The following DYRK2 variants were observed in gnomAD, a reference collection of about 807,000 sequenced individuals.
DYRK2 encodes the protein dual specificity tyrosine-phosphorylation-regulated kinase 2.
Under a neutral mutation model 41.6 loss-of-function variants are expected in DYRK2, and 12 were observed. The observed-to-expected ratio is 0.29, with a 90% CI of 0.18 to 0.47. The LOEUF (loss-of-function observed/expected upper bound fraction) is 0.47. DYRK2 is among the 20% of genes least tolerant of loss of function. The pLI, the probability that DYRK2 is intolerant of heterozygous loss-of-function variation, is 1.00. For synonymous variants in DYRK2, 322 were observed against 315.7 expected, an observed-to-expected ratio of 1.02 and a Z score of -0.21; for missense variants, 678 against 798.4, an observed-to-expected ratio of 0.85 and a Z score of 1.82.
chr12:67,658,596 A>G lies in DYRK2; in HGVS notation c.1689A>G (p.Ile563Met), dbSNP rs771451192. ...ITESTGAITS[I>M]SKLPPPSSSA... ...AGAGCACCGGTGCTATCACATCTAT[A>G]TCCAAGTTACCTCCACCTTCTAGCT... is the stretch of plus-strand genomic sequence containing the variant. The change falls in exon 3 of 3, where the codon ATA (isoleucine) becomes ATG (methionine). Residue 563 changes from isoleucine (I) to methionine (M), a missense_variant. This residue lies in a region of DYRK2 where 393 missense variants were observed against 519.1 expected (regional missense o/e 0.76). Coordinates refer to ENST00000344096, the MANE Select transcript of DYRK2 (RefSeq NM_006482.3). The surrounding 1 kb of genome is among the most constrained non-coding windows in gnomAD (Gnocchi z 4.3). The G allele has an allele frequency of 6.2e-7, 1 of 1,614,172 alleles. No individual in the cohort carries two copies. Among genetic ancestry groups the G allele is most frequent in the Admixed American group, 1.7e-5 (1 of 60,026 alleles).
In DYRK2 at chr12:67,665,072, T is replaced by A. The variant is rs867783806; in HGVS notation, c.*6359T>A. 1 of 152,142 alleles carries A rather than the reference T, an allele frequency of 6.6e-6. No individual in the cohort carries two copies. Among genetic ancestry groups the A allele is most frequent in the Non-Finnish European group, 1.5e-5 (1 of 67,990 alleles). The allele number at this position is 152,142 out of a possible 1,614,324, so 9.4% of individuals were successfully genotyped here. The stretch of plus-strand genomic sequence containing the variant: ...CTTTGCCTCCATATTTAAGAAAATA[T>A]AGAATGCCTGCCAGGGAAATATATA... On this transcript the variant is annotated 3_prime_UTR_variant, in exon 3 of 3. Coordinates refer to ENST00000344096, the MANE Select transcript of DYRK2 (RefSeq NM_006482.3).
At chr12:67,653,030 A>G (rs866001000) in intron 2 of DYRK2, among the ~76,000 whole-genome samples, 42 of 151,390 alleles carry the variant, frequency 2.8e-4, no homozygotes, top group Non-Finnish European at 2.9e-4. Context: ...GGGTTTCACC[A>G]TGTTGGCCAG....
In DYRK2 at chr12:67,654,833, A is replaced by G. The variant is rs548014260; in HGVS notation, c.199-2273A>G. Among the ~76,000 whole-genome samples the G allele has an allele frequency of 9.8e-5, 15 of 152,324 alleles. 1 individual carries two copies. The highest frequency in any genetic ancestry group is 3.4e-3 in the Middle Eastern group (1 of 294). The stretch of plus-strand genomic sequence containing the variant: ...GTGTGTCTTCCACTCAGGAGATAGC[A>G]CCTTGGAAGGTCTGAGCTCAGGGAA... On this transcript the variant is annotated intron_variant, in intron 2 of 2. Coordinates refer to ENST00000344096, the MANE Select transcript of DYRK2 (RefSeq NM_006482.3).
intron 2 of DYRK2, 105 bp downstream of exon 2, chr12:67,650,050 A>G: frequency 8.6e-7 from 1 of 1,169,086 alleles, no homozygotes; most frequent in Non-Finnish European, 1.1e-6. Context: ...AGGGGTCGAG[A>G]TACAAGCAGC....
chr12:67,658,598 C>G lies in DYRK2; in HGVS notation c.1691C>G (p.Ser564Cys). 2 of 1,614,158 alleles carry G rather than the reference C, an allele frequency of 1.2e-6. No individual in the cohort carries two copies. The highest frequency in any genetic ancestry group is 1.7e-6 in the Non-Finnish European group (2 of 1,180,028). Residue 564 changes from serine (S) to cysteine (C), a missense_variant, in exon 3 of 3, where the codon TCC becomes TGC. Ser to Cys is a moderately radical substitution (Grantham distance 112). This residue lies in a region of DYRK2 where 393 missense variants were observed against 519.1 expected (regional missense o/e 0.76). Transcript: ENST00000344096. The surrounding 1 kb of genome is among the most constrained non-coding windows in gnomAD (Gnocchi z 4.3). Reference protein sequence around the residue: ...TESTGAITSISKLPPPSSSAS... With the variant: ...TESTGAITSICKLPPPSSSAS... ...AGCACCGGTGCTATCACATCTATAT[C>G]CAAGTTACCTCCACCTTCTAGCTCA...
rs930257586 is a variant in DYRK2 at position 67,664,159 on chromosome 12, C to T, written c.*5446C>T. The T allele has an allele frequency of 2.6e-5, 4 of 152,094 alleles. No homozygotes were observed. Among genetic ancestry groups the T allele is most frequent in the African/African-American group, 9.7e-5 (4 of 41,432 alleles). 9.4% of individuals were successfully genotyped at this position (152,094 alleles called of 1,614,324 possible). On this transcript the variant is annotated 3_prime_UTR_variant, in exon 3 of 3. Coordinates refer to ENST00000344096, the MANE Select transcript of DYRK2 (RefSeq NM_006482.3). ...TTGCACATACATAAGAAAATTACAT[C>T]TTACTGCGAAGTCTTTGGTTTGTTT...
In DYRK2 at chr12:67,657,372, A is replaced by C; in HGVS notation, c.465A>C (p.Thr155=). The change falls in exon 3 of 3, where the codon ACA becomes ACC. Residue 155 remains threonine, a synonymous_variant. Transcript: ENST00000344096. This position sits in a 1 kb window ranked among gnomAD's most constrained non-coding sequence, Gnocchi z 4.8. ...GMGKVKATPM[T]PEQAMKQYMQ... ...GGAAGGTGAAAGCCACCCCCATGACACCTGAACAAGCAATGAAGCAATACA... is the reference window on the plus strand; with the variant it reads ...GGAAGGTGAAAGCCACCCCCATGACCCCTGAACAAGCAATGAAGCAATACA... 6.2e-7 allele frequency: 1 copy of C among 1,614,180 alleles called. No individual in the cohort carries two copies. The highest frequency in any genetic ancestry group is 8.5e-7 in the Non-Finnish European group (1 of 1,180,040).
chr12:67,658,326 C>T lies in DYRK2; in HGVS notation c.1419C>T (p.Gly473=). The stretch of plus-strand genomic sequence containing the variant: ...GCACTGTCACGACTCTCTCAGATGG[C>T]TCTGTGGTCCTAAACGGAGGCCGTT... ...RYCTVTTLSD[G]SVVLNGGRSR... Residue 473 remains glycine, a synonymous_variant, in exon 3 of 3, where the codon GGC becomes GGT. Coordinates refer to ENST00000344096, the MANE Select transcript of DYRK2 (RefSeq NM_006482.3). This position sits in a 1 kb window ranked among gnomAD's most constrained non-coding sequence, Gnocchi z 4.3. 2 of 1,614,128 alleles carry T rather than the reference C, an allele frequency of 1.2e-6. No individual in the cohort carries two copies. Among genetic ancestry groups the T allele is most frequent in the Non-Finnish European group, 8.5e-7 (1 of 1,179,998 alleles).
intron 2 of DYRK2, 142 bp downstream of exon 2, chr12:67,650,087 G>T: frequency 1.1e-6 from 1 of 937,034 alleles, no homozygotes; most frequent in Non-Finnish European, 1.4e-6. Context: ...ATGGTCTCTC[G>T]TCGACGCCGC....
rs1031301103 is a variant in DYRK2, at chr12:67,658,819, C to T, written c.*106C>T. The T allele has an allele frequency of 1.4e-5, 18 of 1,244,740 alleles. No homozygotes were observed. The Admixed American group carries it at 4.7e-4, about 33-fold the overall frequency. 77.1% of individuals were successfully genotyped at this position (1,244,740 alleles called of 1,614,324 possible). A position where few individuals can be genotyped will look rare whatever the true frequency, so the allele number is the denominator to read the frequency against. ...TGTTTTTATTTGCTCAATAACTCTA[C>T]TCATTTGTATCTTTTCAGCACTTAA... is the stretch of plus-strand genomic sequence containing the variant. On this transcript the variant is annotated 3_prime_UTR_variant, in exon 3 of 3. Coordinates refer to ENST00000344096, the MANE Select transcript of DYRK2 (RefSeq NM_006482.3). The surrounding 1 kb of genome is among the most constrained non-coding windows in gnomAD (Gnocchi z 4.3).
At chr12:67,653,021 G>A (rs1872367336) in intron 2 of DYRK2, among the ~76,000 whole-genome samples, 1 of 151,272 alleles carries the variant, frequency 6.6e-6, no homozygotes, top group Non-Finnish European at 1.5e-5. Flanking sequence ...GTAGAGATGG[G>A]GTTTCACCAT....
rs892349771 is a variant in DYRK2, at chr12:67,659,277, A to T, written c.*564A>T. The T allele has an allele frequency of 6.0e-6, 1 of 167,090 alleles. No individual in the cohort carries two copies. The highest frequency in any genetic ancestry group is 2.4e-5 in the African/African-American group (1 of 41,454). 10.4% of individuals were successfully genotyped at this position (167,090 alleles called of 1,614,324 possible). A position where few individuals can be genotyped will look rare whatever the true frequency, so the allele number is the denominator to read the frequency against. Reference sequence around the variant, plus strand: ...TTTCCTCTAGTGCTCAAACAAATACAAAATAAGATCCCCAAGGTTTAAACT... The same window carrying T: ...TTTCCTCTAGTGCTCAAACAAATACTAAATAAGATCCCCAAGGTTTAAACT... On this transcript the variant is annotated 3_prime_UTR_variant, in exon 3 of 3. Transcript: ENST00000344096.
intron 2 of DYRK2, among the ~76,000 whole-genome samples, chr12:67,653,298 G>C (rs530840591): frequency 1.8e-4 from 27 of 152,258 alleles, no homozygotes; most frequent in Middle Eastern, 3.4e-3. Context: ...GGCATTTCTA[G>C]TCCCTCAGCA....
At position 67,659,263 on chromosome 12, in the gene DYRK2, G is replaced by A. The variant is rs1565805603; in HGVS notation, c.*550G>A. On this transcript the variant is annotated 3_prime_UTR_variant, in exon 3 of 3. Coordinates refer to ENST00000344096, the MANE Select transcript of DYRK2 (RefSeq NM_006482.3). ...TGTACCTTAGAGATTTTCCTCTAGT[G>A]CTCAAACAAATACAAAATAAGATCC... is the stretch of plus-strand genomic sequence containing the variant. 1 of 167,068 alleles carries A rather than the reference G, an allele frequency of 6.0e-6. No individual in the cohort carries two copies. Among genetic ancestry groups the A allele is most frequent in the Non-Finnish European group, 1.5e-5 (1 of 68,114 alleles). 10.3% of individuals were successfully genotyped at this position (167,068 alleles called of 1,614,324 possible). A position where few individuals can be genotyped will look rare whatever the true frequency, so the allele number is the denominator to read the frequency against.
At chr12:67,649,223 G>T in intron 1 of DYRK2, 41 bp downstream of exon 1, 1 of 1,444,640 alleles carries the variant, frequency 6.9e-7, no homozygotes, top group Non-Finnish European at 9.2e-7. Flanking sequence ...CCGGACCCCC[G>T]CCGGCCCTGG....
At position 67,662,282 on chromosome 12, in the gene DYRK2, T is replaced by C. The variant is rs2120857453; in HGVS notation, c.*3569T>C. 1 of 167,092 alleles carries C rather than the reference T, an allele frequency of 6.0e-6. No homozygotes were observed. The highest frequency in any genetic ancestry group is 6.5e-5 in the Admixed American group (1 of 15,282). The allele number at this position is 167,092 out of a possible 1,614,324, so 10.4% of individuals were successfully genotyped here. On this transcript the variant is annotated 3_prime_UTR_variant, in exon 3 of 3. Coordinates refer to ENST00000344096, the MANE Select transcript of DYRK2 (RefSeq NM_006482.3). ...TCTGTTTCTTAGGGGCTTGTACATC[T>C]CTCTGCTATGGACATACATAAAATT... is the stretch of plus-strand genomic sequence containing the variant.
chr12:67,654,814 C>T (rs932391444), intron 2 of DYRK2, among the ~76,000 whole-genome samples: 1 of 152,152 alleles, frequency 6.6e-6, no homozygotes, highest in South Asian at 2.1e-4. Context: ...ATATGTGTGT[C>T]TTCCACTCAG....
intron 2 of DYRK2, among the ~76,000 whole-genome samples, chr12:67,655,095 C>G (rs1427191794): frequency 6.6e-6 from 1 of 152,064 alleles, no homozygotes; most frequent in East Asian, 1.9e-4. Flanking sequence ...GTTACTAAAA[C>G]ATTTGTGATC....
chr12:67,651,722 A>G (rs1462204694), intron 2 of DYRK2: 3 of 433,754 alleles, frequency 6.9e-6, no homozygotes, highest in African/African-American at 6.1e-5. Flanking sequence ...AGCAGATTTC[A>G]TAGTACAGGA....
Sources: allele counts gnomAD v4.1 joint callset (sites outside exome capture counted in the v4.1 genomes callset), GRCh38; gene constraint gnomAD v4.1.1; regional missense constraint gnomAD v4.1.1; non-coding constraint Gnocchi (gnomAD v3.1); transcripts MANE v1.5; gene names NCBI Gene and HGNC (gene_info 2026-07-23, HGNC 2026-07-21).